MAPK10: variants seen among roughly 807,000 people sequenced by gnomAD.
MAPK10 encodes JNK3 alpha protein kinase.
Under a neutral mutation model 59.3 loss-of-function variants are expected in MAPK10, and 25 were observed. That is an observed-to-expected ratio of 0.42 (90% CI 0.31 to 0.59). MAPK10 has a LOEUF of 0.59. Among genes scored for constraint, MAPK10 ranks in the 20% least tolerant of loss-of-function variants. The probability of loss-of-function intolerance (pLI) is 0.15; values close to 1 mark genes in which losing one functional copy is unlikely to be tolerated. For synonymous variants in MAPK10, 190 were observed against 200.5 expected (o/e 0.95, Z 0.44); for missense variants, 351 against 568.9 (o/e 0.62, Z 3.90).
intron 3 of MAPK10, among the ~76,000 whole-genome samples, chr4:86,171,546 C>G (rs967783093): frequency 2.6e-5 from 4 of 152,070 alleles, no homozygotes; most frequent in African/African-American, 7.2e-5. Context: ...GAAACTGGAT[C>G]CCTCCATTAC....
At chr4:86,467,252 T>A (rs917161440) in intron 1 of MAPK10, among the ~76,000 whole-genome samples, 2 of 152,224 alleles carry the variant, frequency 1.3e-5, no homozygotes, top group Non-Finnish European at 2.9e-5. Context: ...AAGTGTCGCA[T>A]AATCAAATTG....
chr4:86,247,837 C>T (rs1013802946), intron 2 of MAPK10, among the ~76,000 whole-genome samples: 3 of 152,148 alleles, frequency 2.0e-5, no homozygotes, highest in Non-Finnish European at 2.9e-5. Context: ...TCAGCAGCAT[C>T]GAACTATGGA....
intron 1 of MAPK10, among the ~76,000 whole-genome samples, chr4:86,467,952 C>T (rs762288386): frequency 5.3e-4 from 81 of 152,106 alleles, no homozygotes; most frequent in Non-Finnish European, 9.7e-4. Context: ...GCAACGAGGC[C>T]AGATACAGAC....
chr4:86,091,536 ATTTTTTTTTTTTT>A (rs71657508), intron 9 of MAPK10: 2 of 67,416 alleles, frequency 3.0e-5, no homozygotes, highest in Admixed American at 2.2e-4. Flanking sequence ...AAATCCCTTG[ATTTTTTTTTTTTT>A]TTTTTTTTTT....
At chr4:86,134,171 A>C (rs1371666770) in intron 4 of MAPK10, among the ~76,000 whole-genome samples, 3 of 152,198 alleles carry the variant, frequency 2.0e-5, no homozygotes, top group Non-Finnish European at 2.9e-5. Context: ...AAGCTGAGTA[A>C]GTCTACACAT....
chr4:86,344,699 C>T (rs1311749980), intron 2 of MAPK10, among the ~76,000 whole-genome samples: 1 of 151,990 alleles, frequency 6.6e-6, no homozygotes, highest in Non-Finnish European at 1.5e-5. Context: ...TTTAATCTTC[C>T]AAGACTCTAC....
rs2044569841 is a variant in MAPK10, at chr4:86,056,521, A to G, written c.1110+7745T>C. On this transcript the variant is annotated intron_variant, in intron 11 of 13. Transcript: ENST00000641462. ...GAATTCAGTAAAAGACAACTGGTTA[A>G]GCCACAGTTAATAAAGGTAGAAACA... Among the ~76,000 whole-genome samples the G allele has an allele frequency of 2.0e-5, 3 of 150,280 alleles. No homozygotes were observed. The South Asian group carries it at 6.2e-4, about 31-fold the overall frequency.
chr4:86,308,241 T>C (rs192286009), intron 2 of MAPK10, among the ~76,000 whole-genome samples: 214 of 152,318 alleles, frequency 1.4e-3, no homozygotes, highest in African/African-American at 4.8e-3. Context: ...CTATTTGTGA[T>C]CTTTATACAT....
intron 9 of MAPK10, among the ~76,000 whole-genome samples, chr4:86,084,186 T>C (rs1197446848): frequency 2.0e-5 from 3 of 152,200 alleles, no homozygotes; most frequent in Non-Finnish European, 4.4e-5. Flanking sequence ...GGACTTTGTC[T>C]TGTACCTTAG....
At chr4:86,459,336 A>G (rs979949052) in intron 1 of MAPK10, among the ~76,000 whole-genome samples, 1 of 152,262 alleles carries the variant, frequency 6.6e-6, no homozygotes, top group African/African-American at 2.4e-5. Context: ...CACTATGAAA[A>G]AAAGTGTGGA....
At chr4:86,521,777 C>T (rs769935428) in intron 1 of MAPK10, among the ~76,000 whole-genome samples, 8 of 152,148 alleles carry the variant, frequency 5.3e-5, no homozygotes, top group African/African-American at 1.2e-4. Flanking sequence ...TGCCTGCCCA[C>T]GCCATCAGCT....
intron 4 of MAPK10, among the ~76,000 whole-genome samples, chr4:86,133,179 A>G (rs536198494): frequency 3.5e-4 from 53 of 152,378 alleles, no homozygotes; most frequent in African/African-American, 1.1e-3. Flanking sequence ...TATGGAAGAT[A>G]CTGAATTTCT....
At chr4:86,149,285 T>C (rs1180516831) in intron 4 of MAPK10, among the ~76,000 whole-genome samples, 2 of 152,188 alleles carry the variant, frequency 1.3e-5, no homozygotes, top group Non-Finnish European at 2.9e-5. Context: ...TATTTATTTT[T>C]TGATGGAGTT....
intron 2 of MAPK10, among the ~76,000 whole-genome samples, chr4:86,246,935 C>T (rs756515758): frequency 3.3e-5 from 5 of 152,170 alleles, no homozygotes; most frequent in Non-Finnish European, 5.9e-5. Context: ...CTCAACATCC[C>T]GTGATGCTCC....
intron 2 of MAPK10, among the ~76,000 whole-genome samples, chr4:86,277,885 T>C (rs982522604): frequency 2.0e-5 from 3 of 152,136 alleles, no homozygotes; most frequent in Admixed American, 6.6e-5. Flanking sequence ...GATGTTACCA[T>C]TTATTTCAAA....
chr4:86,376,283 A>G (rs1739800959), intron 1 of MAPK10, among the ~76,000 whole-genome samples: 1 of 152,218 alleles, frequency 6.6e-6, no homozygotes, highest in Admixed American at 6.5e-5. Flanking sequence ...AAAACATAGC[A>G]AGCCTAAGTA....
chr4:86,408,492 G>C (rs1744675958), intron 1 of MAPK10, among the ~76,000 whole-genome samples: 1 of 152,062 alleles, frequency 6.6e-6, no homozygotes, highest in African/African-American at 2.4e-5. Flanking sequence ...TTCCACAATG[G>C]TTGAACTAAT....
At chr4:86,184,375 C>T (rs2077655243) in intron 3 of MAPK10, among the ~76,000 whole-genome samples, 1 of 152,032 alleles carries the variant, frequency 6.6e-6, no homozygotes, top group Non-Finnish European at 1.5e-5. Flanking sequence ...GTGCTAGGGC[C>T]CAGATATTTA....
intron 4 of MAPK10, among the ~76,000 whole-genome samples, chr4:86,136,598 C>G (rs1310036302): frequency 6.6e-6 from 1 of 150,442 alleles, no homozygotes; most frequent in African/African-American, 2.5e-5. Flanking sequence ...ATGTAAAGAC[C>G]ACCGAGACTA....
Sources: allele counts gnomAD v4.1 joint callset (sites outside exome capture counted in the v4.1 genomes callset), GRCh38; gene constraint gnomAD v4.1.1; transcripts MANE v1.5; gene names NCBI Gene and HGNC (gene_info 2026-07-23, HGNC 2026-07-21).